The following PDE6B variants were observed in gnomAD, a reference collection of about 807,000 sequenced individuals.
The protein encoded by PDE6B is phosphodiesterase 6B, also known as rod cGMP-specific 3',5'-cyclic phosphodiesterase subunit beta.
PDE6B carries 106 observed loss-of-function variants against 109.0 expected under a neutral mutation model. The ratio of observed to expected loss-of-function variants is 0.97; its 90% CI spans 0.83 to 1.14. The LOEUF (loss-of-function observed/expected upper bound fraction) is 1.14, where lower values mean the gene tolerates loss of function less well. Ranked by LOEUF, PDE6B falls within the 50% of genes most tolerant of loss-of-function variation. PDE6B has a pLI of 0.00. For missense variants in PDE6B, 1,193 were observed against 1,155.6 expected (o/e 1.03, Z -0.47); for synonymous variants, 490 against 471.3 (o/e 1.04, Z -0.51).
rs772166846 is a variant in PDE6B, at chr4:657,438, C to T, written c.1345C>T (p.Gln449Ter). ...NKLENRKDIAQDMVLYHVKCD... is the reference protein window; with the variant it reads ...NKLENRKDIA ...GCTGGAGAACCGCAAGGACATCGCA[C>T]AGGACATGGTCCTTTACCACGTGAA... The change falls in exon 10 of 22, where the codon CAG becomes TAG. Residue 449 changes from glutamine to a stop codon, truncating the protein, a stop_gained. Transcript: ENST00000496514. LOFTEE classifies it high-confidence loss of function. 1 of 1,613,318 alleles carries T rather than the reference C, an allele frequency of 6.2e-7. No individual in the cohort carries two copies. The highest frequency in any genetic ancestry group is 2.2e-5 in the East Asian group (1 of 44,886).
rs752738349 is a variant in PDE6B, at chr4:662,597, C to T, written c.1811C>T (p.Thr604Ile). ...TGCCATGACATCGACCACCGCGGCA[C>T]CAACAACCTGTACCAGATGAAGTAG... ...GLCHDIDHRG[T>I]NNLYQMKSQN... Residue 604 changes from threonine to isoleucine, a missense_variant, in exon 14 of 22, where the codon ACC becomes ATC. Thr to Ile is a moderately conservative substitution (Grantham distance 89). Coordinates refer to ENST00000496514, the MANE Select transcript of PDE6B (RefSeq NM_000283.4). This position sits in a 1 kb window ranked among gnomAD's most constrained non-coding sequence, Gnocchi z 4.3. 5.7e-5 allele frequency: 92 copies of T among 1,610,230 alleles called. No homozygotes were observed. In the East Asian group the frequency reaches 1.9e-3, roughly 33 times the overall value.
Position 664,128 on chromosome 4 carries a change from T to G in PDE6B, c.2036T>G (p.Phe679Cys). 1 of 1,609,176 alleles carries G rather than the reference T, an allele frequency of 6.2e-7. No homozygotes were observed. The highest frequency in any genetic ancestry group is 8.5e-7 in the Non-Finnish European group (1 of 1,175,766). Residue 679 changes from phenylalanine (F) to cysteine (C), a missense_variant, in exon 17 of 22, where the codon TTT (phenylalanine) becomes TGT (cysteine). By Grantham distance (205) the Phe-to-Cys change is radical. Coordinates refer to ENST00000496514, the MANE Select transcript of PDE6B (RefSeq NM_000283.4). Reference protein sequence around the residue: ...LALYFKKRAMFQKIVDESKNY... With the variant: ...LALYFKKRAMCQKIVDESKNY... The stretch of plus-strand genomic sequence containing the variant: ...CCTGGGTTCAGGAAGAGAGCGATGT[T>G]TCAGAAGATCGTGGATGAGTCCAAG...
intron 12 of PDE6B, 161 bp from the exon 13 acceptor site, chr4:661,973 C>T (rs1479293282): frequency 1.5e-6 from 1 of 660,204 alleles, no homozygotes; most frequent in Non-Finnish European, 2.8e-6. Context: ...CCAGCAGAGG[C>T]CAGTGGGAAA....
Position 636,095 on chromosome 4 carries a change from A to C in PDE6B, c.711+126A>C. The C allele has an allele frequency of 2.9e-6, 2 of 695,066 alleles. No individual in the cohort carries two copies. The highest frequency in any genetic ancestry group is 5.3e-6 in the Non-Finnish European group (2 of 379,936). 43.1% of individuals were successfully genotyped at this position (695,066 alleles called of 1,614,324 possible). A position where few individuals can be genotyped will look rare whatever the true frequency, so the allele number is the denominator to read the frequency against. Reference sequence around the variant, plus strand: ...CACCTGGGTAGGTCCTGGGGTGGGCATTGCTCAGGGGAGAGGAGGGCTCCA... The same window carrying C: ...CACCTGGGTAGGTCCTGGGGTGGGCCTTGCTCAGGGGAGAGGAGGGCTCCA... On this transcript the variant is annotated intron_variant, in intron 3 of 21. Transcript: ENST00000496514. The surrounding 1 kb of genome is among the most constrained non-coding windows in gnomAD (Gnocchi z 4.5).
chr4:664,986 C>CAGCA, intron 18 of PDE6B, 42 bp downstream of exon 18: 1 of 1,486,040 alleles, frequency 6.7e-7, no homozygotes, highest in Non-Finnish European at 9.4e-7. Context: ...CAGTGCCTCT[C>CAGCA]AGCACATGGG....
chr4:657,049 C>T (rs201367836), intron 9 of PDE6B, 26 bp downstream of exon 9: 40 of 1,610,418 alleles, frequency 2.5e-5, no homozygotes, highest in African/African-American at 1.5e-4. Flanking sequence ...GACGTGGTTC[C>T]GCCGGGGATG....
At chr4:637,651 C>T (rs1232171972) in intron 3 of PDE6B, among the ~76,000 whole-genome samples, 3 of 152,238 alleles carry the variant, frequency 2.0e-5, no homozygotes, top group Non-Finnish European at 4.4e-5. Flanking sequence ...GCCTGGGGGC[C>T]GGCTGTGCTT....
chr4:630,211 A>C (rs1734317322), intron 1 of PDE6B, among the ~76,000 whole-genome samples: 1 of 152,144 alleles, frequency 6.6e-6, no homozygotes. Context: ...GCAGTCGGAC[A>C]GGGAGGCCGA....
rs1003575001 is a variant in PDE6B at position 664,008 on chromosome 4, C to T, written c.2022-106C>T. 5.8e-5 allele frequency: 66 copies of T among 1,146,236 alleles called. No individual in the cohort carries two copies. The East Asian group carries it at 1.3e-3, about 22-fold the overall frequency. 71.0% of individuals were successfully genotyped at this position (1,146,236 alleles called of 1,614,324 possible). A position where few individuals can be genotyped will look rare whatever the true frequency, so the allele number is the denominator to read the frequency against. On this transcript the variant is annotated intron_variant, in intron 16 of 21. Transcript: ENST00000496514. The stretch of plus-strand genomic sequence containing the variant: ...GTCCCTGCCCGCCGGCCCCGCGCAC[C>T]CCGGATGGGGCCTCGCTCGGGCTCC...
chr4:670,004 G>A (rs1235101958), intron 21 of PDE6B, 42 bp from the exon 22 acceptor site: 14 of 1,535,592 alleles, frequency 9.1e-6, no homozygotes, highest in Admixed American at 1.7e-5. Context: ...GGGCTGGTGT[G>A]CACAGGTGGT....
chr4:663,061 C>T lies in PDE6B; in HGVS notation c.1833-39C>T. ...TGCAGAGCGCAGGGTGGGCCAAGGG[C>T]AGGTCCCACGGGCCTCACCTCCACC... is the stretch of plus-strand genomic sequence containing the variant. On this transcript the variant is annotated intron_variant, in intron 14 of 21. Coordinates refer to ENST00000496514, the MANE Select transcript of PDE6B (RefSeq NM_000283.4). The surrounding 1 kb of genome is among the most constrained non-coding windows in gnomAD (Gnocchi z 4.0). 1 of 1,177,888 alleles carries T rather than the reference C, an allele frequency of 8.5e-7. No homozygotes were observed. The highest frequency in any genetic ancestry group is 1.3e-6 in the Non-Finnish European group (1 of 781,334). 73.0% of individuals were successfully genotyped at this position (1,177,888 alleles called of 1,614,324 possible).
chr4:631,823 G>A (rs1399575097), intron 1 of PDE6B, among the ~76,000 whole-genome samples: 7 of 146,722 alleles, frequency 4.8e-5, no homozygotes, highest in Non-Finnish European at 9.0e-5. Context: ...TGAGGGTCAC[G>A]TTGTGTGGGT....
intron 6 of PDE6B, chr4:655,308 G>T (rs979439203): frequency 3.3e-6 from 1 of 302,038 alleles, no homozygotes; most frequent in East Asian, 8.8e-5. Context: ...GAAGAGGAGG[G>T]GAACTCCAGT....
intron 5 of PDE6B, chr4:654,471 GT>G: frequency 1.7e-6 from 1 of 596,040 alleles, no homozygotes; most frequent in Non-Finnish European, 3.0e-6. Flanking sequence ...GCGTGTGTGT[GT>G]GTGTGTGTGA....
Position 663,171 on chromosome 4 carries a change from TC to T in PDE6B, c.1906del (p.Leu636CysfsTer7). 2.5e-6 allele frequency: 4 copies of T among 1,604,750 alleles called. No individual in the cohort carries two copies. Among genetic ancestry groups the T allele is most frequent in the Non-Finnish European group, 3.4e-6 (4 of 1,171,588 alleles). ...LERHHLEFGK[F>X]LLSEETLNIY... ...CGGCACCACCTGGAGTTTGGGAAGT[TC>T]CTGCTCTCGGAGGAGGTTGGTATAC... On this transcript the variant is annotated frameshift_variant, in exon 15 of 22. Transcript: ENST00000496514. LOFTEE classifies it high-confidence loss of function. This position sits in a 1 kb window ranked among gnomAD's most constrained non-coding sequence, Gnocchi z 4.0.
rs961062778 is a variant in PDE6B, at chr4:626,335, C to A, written c.468+241C>A. On this transcript the variant is annotated intron_variant, in intron 1 of 21. Coordinates refer to ENST00000496514, the MANE Select transcript of PDE6B (RefSeq NM_000283.4). This position sits in a 1 kb window ranked among gnomAD's most constrained non-coding sequence, Gnocchi z 4.6. ...CGCATGGCCACTGAGTTGGTTAGAC[C>A]TGAGTCTAGGAGCCTCGGCTGAAGC... 1.3e-5 allele frequency among the ~76,000 whole-genome samples: 2 copies of A among 152,232 alleles called. No homozygotes were observed. The highest frequency in any genetic ancestry group is 4.8e-5 in the African/African-American group (2 of 41,462).
At chr4:653,373 G>A (rs1489291214) in intron 3 of PDE6B, 5 of 1,096,122 alleles carry the variant, frequency 4.6e-6, no homozygotes, top group Non-Finnish European at 5.6e-6. Flanking sequence ...CCTGTGCAGC[G>A]GGATGTCCTG....
chr4:657,089 G>T, intron 9 of PDE6B, 66 bp downstream of exon 9: 3 of 1,499,908 alleles, frequency 2.0e-6, no homozygotes, highest in Non-Finnish European at 2.8e-6. Context: ...TGTGCGGTGT[G>T]GGGGCCTCCC....
intron 11 of PDE6B, among the ~76,000 whole-genome samples, chr4:659,850 T>C (rs1384035927): frequency 1.3e-5 from 2 of 152,178 alleles, no homozygotes; most frequent in East Asian, 3.9e-4. Context: ...ATGTGGGGAT[T>C]ATGTGGTGTC....
Sources: allele counts gnomAD v4.1 joint callset (sites outside exome capture counted in the v4.1 genomes callset), GRCh38; gene constraint gnomAD v4.1.1; non-coding constraint Gnocchi (gnomAD v3.1); transcripts MANE v1.5; gene names NCBI Gene and HGNC (gene_info 2026-07-23, HGNC 2026-07-21).